The following C10orf90 variants were observed in gnomAD, a reference collection of about 807,000 sequenced individuals.
C10orf90 encodes chromosome 10 open reading frame 90.
Under a neutral mutation model 62.5 loss-of-function variants are expected in C10orf90, and 56 were observed. The observed-to-expected ratio is 0.90, with a 90% CI of 0.72 to 1.12. The LOEUF is 1.12. Among genes scored for constraint, C10orf90 ranks in the 50% most tolerant of loss-of-function variants. The probability of loss-of-function intolerance (pLI) is 0.00; values close to 1 mark genes in which losing one functional copy is unlikely to be tolerated. For missense variants in C10orf90, 970 were observed against 880.4 expected (o/e 1.10, Z -1.29); for synonymous variants, 386 against 340.4 (o/e 1.13, Z -1.47).
chr10:126,612,883 A>T (rs541104358), intron 2 of C10orf90, among the ~76,000 whole-genome samples: 99 of 152,334 alleles, frequency 6.5e-4, no homozygotes, highest in Non-Finnish European at 1.2e-3. Context: ...TTCAGCTTCC[A>T]GCCTGTTAGA....
intron 1 of C10orf90, among the ~76,000 whole-genome samples, chr10:126,659,362 T>C (rs535640520): frequency 2.0e-5 from 3 of 152,368 alleles, no homozygotes; most frequent in African/African-American, 4.8e-5. Flanking sequence ...CAGAGGCATC[T>C]GAGCCCTGAC....
At chr10:126,459,367 ATCTT>A in intron 6 of C10orf90, 150 bp from the exon 7 acceptor site, 1 of 874,834 alleles carries the variant, frequency 1.1e-6, no homozygotes, top group Non-Finnish European at 1.8e-6. Flanking sequence ...TTTCTTGCAC[ATCTT>A]TGTGTAAAGA....
chr10:126,565,311 AT>A (rs1464464039), intron 2 of C10orf90, among the ~76,000 whole-genome samples: 1 of 61,246 alleles, frequency 1.6e-5, no homozygotes, highest in East Asian at 5.0e-4. Context: ...TATATATTAT[AT>A]TATATATATT....
At chr10:126,635,364 G>A (rs193189670) in intron 2 of C10orf90, among the ~76,000 whole-genome samples, 206 of 152,252 alleles carry the variant, frequency 1.4e-3, no homozygotes, top group African/African-American at 4.5e-3. Flanking sequence ...TGGGGGGTGC[G>A]GGGAGAAGAG....
chr10:126,427,960 G>A (rs995266705), intron 8 of C10orf90, among the ~76,000 whole-genome samples: 2 of 152,080 alleles, frequency 1.3e-5, no homozygotes, highest in Admixed American at 1.3e-4. Flanking sequence ...TAAAATAAAG[G>A]CTCCTAGGTC....
At chr10:126,558,466 T>A (rs1030665067) in intron 2 of C10orf90, among the ~76,000 whole-genome samples, 4 of 152,218 alleles carry the variant, frequency 2.6e-5, no homozygotes, top group African/African-American at 9.6e-5. Flanking sequence ...ACTAACGAGC[T>A]GTTGAAATTC....
At chr10:126,552,826 A>G (rs986124029) in intron 2 of C10orf90, among the ~76,000 whole-genome samples, 4 of 152,270 alleles carry the variant, frequency 2.6e-5, no homozygotes, top group Admixed American at 6.5e-5. Flanking sequence ...TATATTAGGA[A>G]TAAAACCAAT....
intron 2 of C10orf90, among the ~76,000 whole-genome samples, chr10:126,553,455 A>T (rs1864684536): frequency 6.6e-6 from 1 of 152,200 alleles, no homozygotes; most frequent in South Asian, 2.1e-4. Context: ...CATTTCAGTT[A>T]ATGACAGACC....
intron 2 of C10orf90, among the ~76,000 whole-genome samples, chr10:126,545,675 C>T (rs1287561038): frequency 6.6e-6 from 1 of 152,280 alleles, no homozygotes; most frequent in Middle Eastern, 3.4e-3. Flanking sequence ...GATGTATCCT[C>T]ACCGTATAGC....
chr10:126,563,820 C>T (rs1011238645), intron 2 of C10orf90, among the ~76,000 whole-genome samples: 5 of 152,180 alleles, frequency 3.3e-5, no homozygotes, highest in Admixed American at 6.5e-5. Context: ...CAACACCGAC[C>T]GAGGATCAGC....
intron 2 of C10orf90, among the ~76,000 whole-genome samples, chr10:126,628,929 C>A (rs1370102): frequency 0.44 from 66,096 of 151,922 alleles, 14,748 homozygotes; most frequent in South Asian, 0.6. Flanking sequence ...CATGGGTGCC[C>A]ACCGCTGTGT....
chr10:126,575,020 A>T (rs1053389526), intron 2 of C10orf90, among the ~76,000 whole-genome samples: 1 of 152,164 alleles, frequency 6.6e-6, no homozygotes, highest in Non-Finnish European at 1.5e-5. Context: ...GTAAGACAAG[A>T]AAAAGAAATA....
At chr10:126,469,876 A>ACT (rs1426217418) in intron 4 of C10orf90, 1 of 456,314 alleles carries the variant, frequency 2.2e-6, no homozygotes, top group Admixed American at 2.4e-5. Flanking sequence ...TGAGTTGAGG[A>ACT]CTCTCCTTTG....
intron 2 of C10orf90, among the ~76,000 whole-genome samples, chr10:126,600,559 G>A (rs928462869): frequency 1.6e-4 from 25 of 152,320 alleles, no homozygotes; most frequent in African/African-American, 5.8e-4. Context: ...AAGCAGGGAT[G>A]AGAAACCCCC....
chr10:126,518,317 T>TAG (rs1465267236), intron 2 of C10orf90, among the ~76,000 whole-genome samples: 1 of 152,148 alleles, frequency 6.6e-6, no homozygotes, highest in Non-Finnish European at 1.5e-5. Flanking sequence ...GCCCTGTGCT[T>TAG]TAGCAAGCAT....
At chr10:126,646,807 A>T (rs1846181563) in intron 1 of C10orf90, among the ~76,000 whole-genome samples, 170 bp from the exon 2 acceptor site, 1 of 152,138 alleles carries the variant, frequency 6.6e-6, no homozygotes, top group African/African-American at 2.4e-5. Context: ...CTCCTGGGTT[A>T]CCTCTATCAA....
intron 2 of C10orf90, among the ~76,000 whole-genome samples, chr10:126,583,803 T>C (rs188461879): frequency 6.6e-4 from 100 of 152,280 alleles, no homozygotes; most frequent in African/African-American, 2.2e-3. Context: ...GCTGAAATGA[T>C]AAACAAAACT....
chr10:126,556,387 T>G (rs1020119194), intron 2 of C10orf90, among the ~76,000 whole-genome samples: 1 of 152,224 alleles, frequency 6.6e-6, no homozygotes, highest in Non-Finnish European at 1.5e-5. Context: ...TTTCTCCCTG[T>G]GCTTATCAAA....
In C10orf90 at chr10:126,504,804, G is replaced by T; in HGVS notation, c.687C>A (p.Gly229=). 1.9e-6 allele frequency: 3 copies of T among 1,587,346 alleles called. No homozygotes were observed. The highest frequency in any genetic ancestry group is 2.6e-6 in the Non-Finnish European group (3 of 1,166,110). ...TGATGGATGCAAACCCTCTGCGGGG[G>T]CCCCCACAGGGTCTCTCCTCTTTGG... ...LPPKEERPCG[G]PRRGFASITI... is the part of the protein sequence containing the mutation. The change falls in exon 4 of 10, where the codon GGC becomes GGA. Residue 229 remains glycine (G), a synonymous_variant. Transcript: ENST00000488181. This position sits in a 1 kb window ranked among gnomAD's most constrained non-coding sequence, Gnocchi z 4.1.
Sources: gnomAD v4.1 joint callset for allele counts (sites outside exome capture counted in the v4.1 genomes callset) on GRCh38, gnomAD v4.1.1 for gene constraint, Gnocchi (gnomAD v3.1) non-coding constraint, MANE v1.5 for transcripts, NCBI Gene and HGNC (gene_info 2026-07-23, HGNC 2026-07-21) for gene names.